ISCA2: variants seen among roughly 807,000 people sequenced by gnomAD.
ISCA2 encodes the protein iron-sulfur cluster assembly 2 homolog, mitochondrial.
A neutral mutation model predicts 19.1 loss-of-function variants in ISCA2; 21 were observed. That is an observed-to-expected ratio of 1.10 (90% CI 0.78 to 1.59). ISCA2 has a LOEUF of 1.59. Ranked by LOEUF, ISCA2 falls within the 40% of genes most tolerant of loss-of-function variation. ISCA2 has a pLI of 0.00. For missense variants in ISCA2, 181 were observed against 191.7 expected (o/e 0.94, Z 0.33); for synonymous variants, 107 against 83.8 (o/e 1.28, Z -1.51).
chr14:74,493,905 G>C lies in ISCA2; in HGVS notation c.71+60G>C. The C allele has an allele frequency of 6.6e-7, 1 of 1,507,576 alleles. No individual in the cohort carries two copies. Among genetic ancestry groups the C allele is most frequent in the Non-Finnish European group, 9.0e-7 (1 of 1,108,694 alleles). 93.4% of individuals were successfully genotyped at this position (1,507,576 alleles called of 1,614,324 possible). A position where few individuals can be genotyped will look rare whatever the true frequency, so the allele number is the denominator to read the frequency against. On this transcript the variant is annotated intron_variant, in intron 1 of 3. Transcript: ENST00000556816. This position sits in a 1 kb window ranked among gnomAD's most constrained non-coding sequence, Gnocchi z 4.1. ...TTGGTTCTGCGCCTCTAGGACAAAT[G>C]GGAAACTAAGGCCTGTGGGGGATGC...
At position 74,494,587 on chromosome 14, in the gene ISCA2, A is replaced by G. The variant is rs1339030413; in HGVS notation, c.290+197A>G. ...TTATAGGAGCAAAATTGATCTGCCC[A>G]GGTCCATTGGGTAGTCGGTAGAAAG... On this transcript the variant is annotated intron_variant, in intron 3 of 3. Coordinates refer to ENST00000556816, the MANE Select transcript of ISCA2 (RefSeq NM_194279.4). 2.6e-5 allele frequency: 16 copies of G among 623,686 alleles called. No individual in the cohort carries two copies. In the East Asian group the frequency reaches 4.1e-4, roughly 16 times the overall value. 38.6% of individuals were successfully genotyped at this position (623,686 alleles called of 1,614,324 possible).
chr14:74,494,171 A>G lies in ISCA2; in HGVS notation c.174+19A>G, dbSNP rs970636578. The G allele has an allele frequency of 3.8e-6, 6 of 1,586,432 alleles. No individual in the cohort carries two copies. The highest frequency in any genetic ancestry group is 5.2e-6 in the Non-Finnish European group (6 of 1,164,970). On this transcript the variant is annotated intron_variant, in intron 2 of 3. Transcript: ENST00000556816. ...CGTCCAGGTAGGAGGCCGGACGCGG[A>G]GCGGCGGTACCCAGGCGATTGGCGG... is the stretch of plus-strand genomic sequence containing the variant.
chr14:74,496,449 T>G lies in ISCA2; in HGVS notation c.*1449T>G, dbSNP rs2086847267. On this transcript the variant is annotated 3_prime_UTR_variant, in exon 4 of 4. Coordinates refer to ENST00000556816, the MANE Select transcript of ISCA2 (RefSeq NM_194279.4). ...GGAGAGAAGGGGACACTCAGAAACC[T>G]GAGCACATTTCTTAGAGCTGGTGGA... The G allele has an allele frequency of 6.6e-6, 1 of 152,192 alleles. No individual in the cohort carries two copies. The highest frequency in any genetic ancestry group is 1.5e-5 in the Non-Finnish European group (1 of 68,044). The allele number at this position is 152,192 out of a possible 1,614,324, so 9.4% of individuals were successfully genotyped here. A position where few individuals can be genotyped will look rare whatever the true frequency, so the allele number is the denominator to read the frequency against.
rs143682573 is a variant in ISCA2, at chr14:74,494,880, C to T, written c.345C>T (p.Phe115=). The part of the protein sequence containing the change: ...RVVVDSDSLA[F]VKGAQVDFSQ... ...TGGTTGACTCTGATAGCTTGGCCTT[C>T]GTGAAAGGGGCCCAGGTGGACTTCA... The change falls in exon 4 of 4, where the codon TTC becomes TTT. Residue 115 remains phenylalanine (F), a synonymous_variant. Coordinates refer to ENST00000556816, the MANE Select transcript of ISCA2 (RefSeq NM_194279.4). 11 of 1,613,992 alleles carry T rather than the reference C, an allele frequency of 6.8e-6. No individual in the cohort carries two copies. The African/African-American group carries it at 1.5e-4, about 22-fold the overall frequency.
At chr14:74,494,769 G>A (rs2086827695) in intron 3 of ISCA2, 57 bp from the exon 4 acceptor site, 2 of 1,496,158 alleles carry the variant, frequency 1.3e-6, no homozygotes, top group Admixed American at 3.6e-5. Flanking sequence ...TCTGGGCTCA[G>A]GGGGTGTCTT....
rs1477498422 is a variant in ISCA2 at position 74,496,687 on chromosome 14, G to T, written c.*1687G>T. The T allele has an allele frequency of 6.6e-6, 1 of 152,196 alleles. No homozygotes were observed. Among genetic ancestry groups the T allele is most frequent in the Non-Finnish European group, 1.5e-5 (1 of 68,032 alleles). The allele number at this position is 152,196 out of a possible 1,614,324, so 9.4% of individuals were successfully genotyped here. On this transcript the variant is annotated 3_prime_UTR_variant, in exon 4 of 4. Coordinates refer to ENST00000556816, the MANE Select transcript of ISCA2 (RefSeq NM_194279.4). The stretch of plus-strand genomic sequence containing the variant: ...GATTTTGTGGTTTTAAAACTCTTGA[G>T]CACGAGCAGAACAGCTTTTGTTGCT...
rs542747136 is a variant in ISCA2 at position 74,495,342 on chromosome 14, T to C, written c.*342T>C. 7.9e-4 allele frequency: 146 copies of C among 184,696 alleles called. No individual in the cohort carries two copies. Among genetic ancestry groups the C allele is most frequent in the African/African-American group, 3.2e-3 (135 of 42,736 alleles). The allele number at this position is 184,696 out of a possible 1,614,324, so 11.4% of individuals were successfully genotyped here. A position where few individuals can be genotyped will look rare whatever the true frequency, so the allele number is the denominator to read the frequency against. On this transcript the variant is annotated 3_prime_UTR_variant, in exon 4 of 4. Coordinates refer to ENST00000556816, the MANE Select transcript of ISCA2 (RefSeq NM_194279.4). ...CTGCTTGTACATATGTGGATAGCTA[T>C]GTATAAAAGCTTCATTTTAAAGAAG...
chr14:74,494,451 T>A, intron 3 of ISCA2, 61 bp downstream of exon 3: 1 of 1,197,594 alleles, frequency 8.4e-7, no homozygotes, highest in Non-Finnish European at 1.2e-6. Context: ...GTCTCCAGTT[T>A]AAGGTGCACT....
Position 74,494,900 on chromosome 14 carries a change from A to T in ISCA2, c.365A>T (p.Asp122Val), listed in dbSNP as rs1387181239. The T allele has an allele frequency of 6.2e-7, 1 of 1,614,014 alleles. No homozygotes were observed. Among genetic ancestry groups the T allele is most frequent in the Non-Finnish European group, 8.5e-7 (1 of 1,179,998 alleles). The change falls in exon 4 of 4, where the codon GAC becomes GTC. Residue 122 changes from aspartate to valine, a missense_variant. Asp to Val is a radical substitution (Grantham distance 152, BLOSUM62 -3). Transcript: ENST00000556816. ...GCCTTCGTGAAAGGGGCCCAGGTGGACTTCAGCCAAGAACTGATCCGAAGC... is the reference window on the plus strand; with the variant it reads ...GCCTTCGTGAAAGGGGCCCAGGTGGTCTTCAGCCAAGAACTGATCCGAAGC... ...SLAFVKGAQVDFSQELIRSSF... is the reference protein window; with the variant it reads ...SLAFVKGAQVVFSQELIRSSF...
chr14:74,494,495 G>A, intron 3 of ISCA2, 105 bp downstream of exon 3: 1 of 816,848 alleles, frequency 1.2e-6, no homozygotes, highest in Non-Finnish European at 2.0e-6. Flanking sequence ...ACCTGGGATG[G>A]TTAACACCGC....
rs1451835980 is a variant in ISCA2, at chr14:74,493,842, G to A, written c.68G>A (p.Gly23Asp). Residue 23 changes from glycine (G) to aspartate (D), a missense_variant, in exon 1 of 4, where the codon GGC becomes GAC. Transcript: ENST00000556816. The surrounding 1 kb of genome is among the most constrained non-coding windows in gnomAD (Gnocchi z 4.1). Reference sequence around the variant, plus strand: ...AGAGCGGTCACTCCCTGGCCGAGGGGCAGGTACCAAGACTAGAAAGGCACC... The same window carrying A: ...AGAGCGGTCACTCCCTGGCCGAGGGACAGGTACCAAGACTAGAAAGGCACC... ...TQRAVTPWPR[G>D]RLLTASLGPQ... 3 of 1,559,244 alleles carry A rather than the reference G, an allele frequency of 1.9e-6. No individual in the cohort carries two copies. The highest frequency in any genetic ancestry group is 1.7e-6 in the Non-Finnish European group (2 of 1,151,934).
Position 74,495,081 on chromosome 14 carries a change from C to A in ISCA2, c.*81C>A. 1 of 1,033,374 alleles carries A rather than the reference C, an allele frequency of 9.7e-7. No individual in the cohort carries two copies. The allele number at this position is 1,033,374 out of a possible 1,614,324, so 64.0% of individuals were successfully genotyped here. A position where few individuals can be genotyped will look rare whatever the true frequency, so the allele number is the denominator to read the frequency against. On this transcript the variant is annotated 3_prime_UTR_variant, in exon 4 of 4. Transcript: ENST00000556816. ...GAATTAGTAGAATTCTAGAAGTTTA[C>A]TTCTAATCATGTCCCTCTCAATTTT...
chr14:74,493,801 A>T lies in ISCA2; in HGVS notation c.27A>T (p.Leu9=). The T allele has an allele frequency of 6.5e-7, 1 of 1,539,198 alleles. No homozygotes were observed. Among genetic ancestry groups the T allele is most frequent in the Non-Finnish European group, 8.7e-7 (1 of 1,146,168 alleles). Residue 9 remains leucine (L), a synonymous_variant, in exon 1 of 4, where the codon CTA becomes CTT. Coordinates refer to ENST00000556816, the MANE Select transcript of ISCA2 (RefSeq NM_194279.4). This position sits in a 1 kb window ranked among gnomAD's most constrained non-coding sequence, Gnocchi z 4.1. The stretch of plus-strand genomic sequence containing the variant: ...TGGCTGCCGCCTGGGGGTCGTCCCT[A>T]ACGGCCGCGACGCAGAGAGCGGTCA... MAAAWGSS[L]TAATQRAVTP... is the part of the protein sequence containing the mutation.
intron 3 of ISCA2, 140 bp from the exon 4 acceptor site, chr14:74,494,686 C>G: frequency 1.4e-6 from 1 of 709,122 alleles, no homozygotes; most frequent in Non-Finnish European, 2.3e-6. Flanking sequence ...CATTTTGCCT[C>G]AAAGAAAATC....
rs35783473 is a variant in ISCA2, at chr14:74,496,889, G to GCAGA, written c.*1890_*1893dup. On this transcript the variant is annotated 3_prime_UTR_variant, in exon 4 of 4. Coordinates refer to ENST00000556816, the MANE Select transcript of ISCA2 (RefSeq NM_194279.4). ...CCAGCACTTTGGGAGGCCAAAGCAG[G>GCAGA]CAGATCACCTGAGGTCAGGAGTTTG... 24,521 of 152,066 alleles carry GCAGA rather than the reference G, an allele frequency of 0.16. 2,088 individuals carry two copies. The highest frequency in any genetic ancestry group is 0.27 in the South Asian group (1,307 of 4,824). The allele number at this position is 152,066 out of a possible 1,614,324, so 9.4% of individuals were successfully genotyped here.
Position 74,494,998 on chromosome 14 carries a change from T to C in ISCA2, c.463T>C (p.Ter155ArgextTer5), listed in dbSNP as rs779056370. ...SCGSSFSIKL[*>R] ...TGGGTCATCTTTCTCTATCAAACTT[T>C]GATGTGATGACTGGTGACTCTGGGA... The change falls in exon 4 of 4, where the codon TGA becomes CGA. Residue 155 changes from the stop codon to arginine, a stop_lost. Transcript: ENST00000556816. The C allele has an allele frequency of 4.3e-6, 7 of 1,610,634 alleles. No homozygotes were observed. Among genetic ancestry groups the C allele is most frequent in the Non-Finnish European group, 5.9e-6 (7 of 1,178,524 alleles).
chr14:74,493,766 T>C lies in ISCA2; in HGVS notation c.-9T>C, dbSNP rs934384792. On this transcript the variant is annotated 5_prime_UTR_variant, in exon 1 of 4. Coordinates refer to ENST00000556816, the MANE Select transcript of ISCA2 (RefSeq NM_194279.4). The surrounding 1 kb of genome is among the most constrained non-coding windows in gnomAD (Gnocchi z 4.1). The stretch of plus-strand genomic sequence containing the variant: ...GGGGAGACGCGAGGGGCGGAGCTTG[T>C]GGAGGAAGATGGCTGCCGCCTGGGG... 3 of 1,514,572 alleles carry C rather than the reference T, an allele frequency of 2.0e-6. No homozygotes were observed. Among genetic ancestry groups the C allele is most frequent in the Non-Finnish European group, 2.6e-6 (3 of 1,132,372 alleles). 93.8% of individuals were successfully genotyped at this position (1,514,572 alleles called of 1,614,324 possible).
rs982107735 is a variant in ISCA2, at chr14:74,494,177, G to T, written c.174+25G>T. ...GGTAGGAGGCCGGACGCGGAGCGGC[G>T]GTACCCAGGCGATTGGCGGGAGCAG... is the stretch of plus-strand genomic sequence containing the variant. On this transcript the variant is annotated intron_variant, in intron 2 of 3. Coordinates refer to ENST00000556816, the MANE Select transcript of ISCA2 (RefSeq NM_194279.4). The T allele has an allele frequency of 6.9e-6, 11 of 1,586,744 alleles. No individual in the cohort carries two copies. In the Admixed American group the frequency reaches 7.1e-5, roughly 10 times the overall value.
chr14:74,493,814 C>A lies in ISCA2; in HGVS notation c.40C>A (p.Gln14Lys). ...GGGGTCGTCCCTAACGGCCGCGACG[C>A]AGAGAGCGGTCACTCCCTGGCCGAG... is the stretch of plus-strand genomic sequence containing the variant. ...AWGSSLTAAT[Q>K]RAVTPWPRGR... The change falls in exon 1 of 4, where the codon CAG becomes AAG. Residue 14 changes from glutamine to lysine, a missense_variant. Physicochemically the swap from Gln to Lys is moderately conservative, Grantham distance 53. Coordinates refer to ENST00000556816, the MANE Select transcript of ISCA2 (RefSeq NM_194279.4). The surrounding 1 kb of genome is among the most constrained non-coding windows in gnomAD (Gnocchi z 4.1). The A allele has an allele frequency of 6.5e-7, 1 of 1,543,844 alleles. No individual in the cohort carries two copies. The highest frequency in any genetic ancestry group is 1.2e-5 in the South Asian group (1 of 82,220).
Sources: gnomAD v4.1 joint callset for allele counts on GRCh38, gnomAD v4.1.1 for gene constraint, Gnocchi (gnomAD v3.1) non-coding constraint, MANE v1.5 for transcripts, NCBI Gene and HGNC (gene_info 2026-07-23, HGNC 2026-07-21) for gene names.